Variants in RABGAP1L observed in about 807,000 individuals in gnomAD.
RABGAP1L encodes the protein RAB GTPase activating protein 1 like, also known as rab GTPase-activating protein 1-like.
A neutral mutation model predicts 137.7 loss-of-function variants in RABGAP1L; 63 were observed. The ratio of observed to expected loss-of-function variants is 0.46; its 90% confidence interval spans 0.37 to 0.56. The LOEUF (loss-of-function observed/expected upper bound fraction) is 0.56. RABGAP1L is among the 20% of genes least tolerant of loss of function. RABGAP1L has a pLI of 0.00. For synonymous variants in RABGAP1L, 431 were observed against 433.7 expected, an observed-to-expected ratio of 0.99 and a Z score of 0.08; for missense variants, 1,095 against 1,244.0, an observed-to-expected ratio of 0.88 and a Z score of 1.80.
intron 19 of RABGAP1L, among the ~76,000 whole-genome samples, chr1:174,934,659 CA>C (rs934381252): frequency 2.0e-5 from 3 of 151,994 alleles, no homozygotes; most frequent in South Asian, 2.1e-4. Context: ...CTAGTGGTGG[CA>C]TGCACCTGTG....
At chr1:174,469,081 A>G (rs1030485192) in intron 13 of RABGAP1L, among the ~76,000 whole-genome samples, 1 of 152,158 alleles carries the variant, frequency 6.6e-6, no homozygotes, top group Non-Finnish European at 1.5e-5. Context: ...GTATATGCTT[A>G]TGTGTATTTA....
At chr1:174,321,974 A>G (rs1468799720) in intron 11 of RABGAP1L, among the ~76,000 whole-genome samples, 1 of 144,784 alleles carries the variant, frequency 6.9e-6, no homozygotes, top group South Asian at 2.2e-4. Flanking sequence ...AGAGTTCTTT[A>G]TATATATTAG....
At chr1:174,534,848 C>T (rs891212887) in intron 13 of RABGAP1L, among the ~76,000 whole-genome samples, 3 of 144,438 alleles carry the variant, frequency 2.1e-5, no homozygotes, top group Admixed American at 1.4e-4. Context: ...GTACATTGTA[C>T]TTTGGAGCAA....
At chr1:174,807,157 T>C (rs910422881) in intron 18 of RABGAP1L, among the ~76,000 whole-genome samples, 2 of 152,212 alleles carry the variant, frequency 1.3e-5, no homozygotes, top group Non-Finnish European at 2.9e-5. Flanking sequence ...GTGTAAGATA[T>C]GTATGTAATG....
chr1:174,383,438 C>T (rs192607244), intron 12 of RABGAP1L, among the ~76,000 whole-genome samples: 5 of 151,924 alleles, frequency 3.3e-5, no homozygotes, highest in African/African-American at 7.2e-5. Context: ...TAGCAATCAG[C>T]GAGATTCCGT....
At chr1:174,311,284 T>C (rs1347124954) in intron 11 of RABGAP1L, among the ~76,000 whole-genome samples, 1 of 152,148 alleles carries the variant, frequency 6.6e-6, no homozygotes, top group Non-Finnish European at 1.5e-5. Flanking sequence ...AAGAGCCCCC[T>C]TATAAAACCA....
intron 19 of RABGAP1L, among the ~76,000 whole-genome samples, chr1:174,819,187 T>TAAAAAAAAAAAAAAAA (rs71299431): frequency 4.5e-5 from 2 of 44,840 alleles, no homozygotes; most frequent in Non-Finnish European, 8.2e-5. Context: ...TGCCTGTCTC[T>TAAAAAAAAAAAAAAAA]AAAAAAAAAA....
chr1:174,416,302 G>A (rs1650582803), intron 13 of RABGAP1L, among the ~76,000 whole-genome samples: 1 of 151,942 alleles, frequency 6.6e-6, no homozygotes, highest in Non-Finnish European at 1.5e-5. Flanking sequence ...CTGCTCATCA[G>A]CTGCCTGCTT....
intron 18 of RABGAP1L, among the ~76,000 whole-genome samples, chr1:174,807,154 A>T (rs1689383039): frequency 1.3e-5 from 2 of 152,326 alleles, no homozygotes; most frequent in South Asian, 4.1e-4. Context: ...TATGTGTAAG[A>T]TATGTATGTA....
At position 174,159,580 on chromosome 1, in the gene RABGAP1L, C is replaced by T. The variant is rs1489710983; in HGVS notation, c.-111C>T. 1 of 152,392 alleles carries T rather than the reference C, an allele frequency of 6.6e-6. No individual in the cohort carries two copies. Among genetic ancestry groups the T allele is most frequent in the African/African-American group, 2.4e-5 (1 of 41,458 alleles). 9.4% of individuals were successfully genotyped at this position (152,392 alleles called of 1,614,324 possible). A position where few individuals can be genotyped will look rare whatever the true frequency, so the allele number is the denominator to read the frequency against. On this transcript the variant is annotated 5_prime_UTR_variant, in exon 1 of 26. Coordinates refer to ENST00000681986, the MANE Select transcript of RABGAP1L (RefSeq NM_001366446.1). ...GGAGCGAACGGGACCGGCCCGGCTT[C>T]AGAGCGCGAGGTGGAGGGTGGAACG...
chr1:174,598,531 G>A (rs1670156664), intron 13 of RABGAP1L, among the ~76,000 whole-genome samples: 1 of 151,998 alleles, frequency 6.6e-6, no homozygotes. Flanking sequence ...TTACTGTATT[G>A]GGGTCTATCT....
At chr1:174,219,511 A>G (rs1169248732) in intron 2 of RABGAP1L, among the ~76,000 whole-genome samples, 1 of 151,638 alleles carries the variant, frequency 6.6e-6, no homozygotes, top group African/African-American at 2.4e-5. Context: ...GGGGAAGAAT[A>G]AAAGAAGAAA....
At chr1:174,589,749 G>C (rs1048873951) in intron 13 of RABGAP1L, among the ~76,000 whole-genome samples, 1 of 152,102 alleles carries the variant, frequency 6.6e-6, no homozygotes, top group Non-Finnish European at 1.5e-5. Flanking sequence ...TTGGCATGTT[G>C]TCAAAAATGA....
At chr1:174,330,283 G>T (rs1571250598) in intron 11 of RABGAP1L, among the ~76,000 whole-genome samples, 1 of 152,010 alleles carries the variant, frequency 6.6e-6, no homozygotes, top group Non-Finnish European at 1.5e-5. Flanking sequence ...AATCAAGAAA[G>T]AAATCCTATT....
intron 24 of RABGAP1L, among the ~76,000 whole-genome samples, chr1:174,983,350 G>A (rs1671296734): frequency 6.6e-6 from 1 of 152,130 alleles, no homozygotes; most frequent in Admixed American, 6.6e-5. Context: ...ACTGATTCTT[G>A]CACTAAGTTT....
intron 13 of RABGAP1L, among the ~76,000 whole-genome samples, chr1:174,467,693 T>A (rs540844560): frequency 5.6e-4 from 86 of 152,282 alleles, no homozygotes; most frequent in African/African-American, 1.9e-3. Context: ...AGTATTTAAG[T>A]ATCTTGGTTA....
rs548592469 is a variant in RABGAP1L at position 174,504,679 on chromosome 1, A to G, written c.1710+110534A>G. Among the ~76,000 whole-genome samples the G allele has an allele frequency of 1.4e-4, 21 of 152,332 alleles. No individual in the cohort carries two copies. In the East Asian group the frequency reaches 1.5e-3, roughly 11 times the overall value. ...GGAAAACTGGATATCCATGTGCAGA[A>G]TAATGAAATTAGAGCCTCATTTCAT... On this transcript the variant is annotated intron_variant, in intron 13 of 25. Transcript: ENST00000681986.
chr1:174,419,531 T>A (rs963122956), intron 13 of RABGAP1L, among the ~76,000 whole-genome samples: 3 of 152,246 alleles, frequency 2.0e-5, no homozygotes, highest in Non-Finnish European at 4.4e-5. Context: ...AAACAGTTTT[T>A]AAAATTTTCT....
rs1336936865 is a variant in RABGAP1L at position 174,683,539 on chromosome 1, T to G, written c.1842T>G (p.Asp614Glu). Residue 614 changes from aspartate (D) to glutamate (E), a missense_variant, in exon 15 of 26, where the codon GAT (aspartate) becomes GAG (glutamate). By Grantham distance (45) the Asp-to-Glu change is conservative. This residue lies in a region of RABGAP1L where 315 missense variants were observed against 324.8 expected (regional missense o/e 0.97). Transcript: ENST00000681986. The stretch of plus-strand genomic sequence containing the variant: ...TTCTCTAGGCCTACTCTGTGTATGA[T>G]GAAGACATTGGGTACTGTCAAGGGC... The part of the protein sequence containing the change: ...YKICKAYSVY[D>E]EDIGYCQGQS... The G allele has an allele frequency of 6.2e-7, 1 of 1,604,312 alleles. No homozygotes were observed. Among genetic ancestry groups the G allele is most frequent in the Admixed American group, 1.7e-5 (1 of 59,960 alleles).
Sources: gnomAD v4.1 joint callset for allele counts (sites outside exome capture counted in the v4.1 genomes callset) on GRCh38, gnomAD v4.1.1 for gene constraint, gnomAD v4.1.1 regional missense constraint, MANE v1.5 for transcripts, NCBI Gene and HGNC (gene_info 2026-07-23, HGNC 2026-07-21) for gene names.